The following AP1M1 variants were observed in gnomAD, a reference collection of about 807,000 sequenced individuals.
AP1M1 encodes the protein AP-1 complex subunit mu-1.
A neutral mutation model predicts 57.1 loss-of-function variants in AP1M1; 18 were observed. That is an observed-to-expected ratio of 0.32 (90% confidence interval 0.22 to 0.47). The LOEUF (loss-of-function observed/expected upper bound fraction) is 0.47, where lower values mean the gene tolerates loss of function less well. Ranked by LOEUF, AP1M1 falls within the 20% of genes least tolerant of loss-of-function variation. The pLI is 1.00. For missense variants in AP1M1, 362 were observed against 593.5 expected, an observed-to-expected ratio of 0.61 and a Z score of 4.05; for synonymous variants, 241 against 237.9, an observed-to-expected ratio of 1.01 and a Z score of -0.12.
chr19:16,233,544 G>A lies in AP1M1; in HGVS notation c.1099G>A (p.Ala367Thr), dbSNP rs973576171. The stretch of plus-strand genomic sequence containing the variant: ...CCACTTCGGCCTGCCTAGTGTGGAG[G>A]CCGAAGACAAGGAGGGCAAGCCCCC... The part of the protein sequence containing the change: ...RAHFGLPSVE[A>T]EDKEGKPPIS... The change falls in exon 10 of 12, where the codon GCC (alanine) becomes ACC (threonine). Residue 367 changes from alanine to threonine, a missense_variant. By Grantham distance (58) the Ala-to-Thr change is moderately conservative (BLOSUM62 0). This residue lies in a region of AP1M1 where 25 missense variants were observed against 82.4 expected (regional missense o/e 0.30). Coordinates refer to ENST00000291439, the MANE Select transcript of AP1M1 (RefSeq NM_032493.4). The A allele has an allele frequency of 6.2e-7, 1 of 1,607,470 alleles. No homozygotes were observed. The highest frequency in any genetic ancestry group is 8.5e-7 in the Non-Finnish European group (1 of 1,177,402).
At position 16,209,263 on chromosome 19, in the gene AP1M1, C is replaced by T. The variant is rs1272148436; in HGVS notation, c.546+86C>T. The T allele has an allele frequency of 2.0e-5, 31 of 1,515,466 alleles. No homozygotes were observed. In the South Asian group the frequency reaches 3.1e-4, roughly 15 times the overall value. The allele number at this position is 1,515,466 out of a possible 1,614,324, so 93.9% of individuals were successfully genotyped here. On this transcript the variant is annotated intron_variant, in intron 5 of 11. Coordinates refer to ENST00000291439, the MANE Select transcript of AP1M1 (RefSeq NM_032493.4). ...ACAGCATTTTAAAACTGGCAAAGCC[C>T]CGAGAGCCGTTCTGTGTGGTAACAG...
chr19:16,231,619 AG>A (rs985132206), intron 9 of AP1M1, among the ~76,000 whole-genome samples: 23 of 80,760 alleles, frequency 2.8e-4, no homozygotes, highest in African/African-American at 6.1e-4. Context: ...TAGTAGAAAC[AG>A]GGTTTCGCTA....
In AP1M1 at chr19:16,206,227, G is replaced by A. The variant is rs550759397; in HGVS notation, c.200-114G>A. ...ATGGGCCAAGTAAACGGCTGGGAGT[G>A]GGGATAGGGAAGGCTCTGAGGGTTG... is the stretch of plus-strand genomic sequence containing the variant. On this transcript the variant is annotated intron_variant, in intron 2 of 11. Transcript: ENST00000291439. This position sits in a 1 kb window ranked among gnomAD's most constrained non-coding sequence, Gnocchi z 4.3. 1.3e-4 allele frequency: 132 copies of A among 1,053,042 alleles called. No individual in the cohort carries two copies. Among genetic ancestry groups the A allele is most frequent in the Non-Finnish European group, 1.7e-4 (118 of 698,604 alleles). 65.2% of individuals were successfully genotyped at this position (1,053,042 alleles called of 1,614,324 possible). A position where few individuals can be genotyped will look rare whatever the true frequency, so the allele number is the denominator to read the frequency against.
rs553239080 is a variant in AP1M1 at position 16,241,474 on chromosome 19, T to C, written c.*7039T>C. Reference sequence around the variant, plus strand: ...TGTCATTGACTGTGTAAAGCAATAATAACAGTGACTAACGTATAGAGTAGC... The same window carrying C: ...TGTCATTGACTGTGTAAAGCAATAACAACAGTGACTAACGTATAGAGTAGC... On this transcript the variant is annotated 3_prime_UTR_variant, in exon 12 of 12. Coordinates refer to ENST00000291439, the MANE Select transcript of AP1M1 (RefSeq NM_032493.4). 31 of 152,218 alleles carry C rather than the reference T, an allele frequency of 2.0e-4. 1 individual carries two copies. The highest frequency in any genetic ancestry group is 6.7e-4 in the African/African-American group (28 of 41,536). 9.4% of individuals were successfully genotyped at this position (152,218 alleles called of 1,614,324 possible). A position where few individuals can be genotyped will look rare whatever the true frequency, so the allele number is the denominator to read the frequency against.
chr19:16,217,624 G>A (rs1335953676), intron 5 of AP1M1, among the ~76,000 whole-genome samples: 2 of 152,146 alleles, frequency 1.3e-5, no homozygotes, highest in Admixed American at 1.3e-4. Flanking sequence ...GGCTTGGCCA[G>A]GCTGGGGCCC....
rs2091455989 is a variant in AP1M1 at position 16,203,259 on chromosome 19, T to C, written c.43-200T>C. Among the ~76,000 whole-genome samples the C allele has an allele frequency of 6.6e-6, 1 of 152,228 alleles. No individual in the cohort carries two copies. Among genetic ancestry groups the C allele is most frequent in the Non-Finnish European group, 1.5e-5 (1 of 68,038 alleles). The stretch of plus-strand genomic sequence containing the variant: ...GAACTGCAGTGGCCCCTGTGGGCAT[T>C]CACACTGGGAGATGCTCTTCTCCAG... On this transcript the variant is annotated intron_variant, in intron 1 of 11. Transcript: ENST00000291439. This position sits in a 1 kb window ranked among gnomAD's most constrained non-coding sequence, Gnocchi z 4.6.
In AP1M1 at chr19:16,242,401, A is replaced by T. The variant is rs1416919345; in HGVS notation, c.*7966A>T. 1 of 152,222 alleles carries T rather than the reference A, an allele frequency of 6.6e-6. No homozygotes were observed. Among genetic ancestry groups the T allele is most frequent in the Non-Finnish European group, 1.5e-5 (1 of 68,034 alleles). 9.4% of individuals were successfully genotyped at this position (152,222 alleles called of 1,614,324 possible). On this transcript the variant is annotated 3_prime_UTR_variant, in exon 12 of 12. Coordinates refer to ENST00000291439, the MANE Select transcript of AP1M1 (RefSeq NM_032493.4). ...AATAAATAATAGTACTTAAAACTGCACTGGGACTTTTGGGACACCCCTAGC... is the reference window on the plus strand; with the variant it reads ...AATAAATAATAGTACTTAAAACTGCTCTGGGACTTTTGGGACACCCCTAGC...
chr19:16,199,222 G>A (rs2091437448), intron 1 of AP1M1, among the ~76,000 whole-genome samples: 1 of 152,174 alleles, frequency 6.6e-6, no homozygotes, highest in Non-Finnish European at 1.5e-5. Context: ...GTGTTATACA[G>A]ACAGTCAGCC....
rs890614150 is a variant in AP1M1 at position 16,206,123 on chromosome 19, C to G, written c.200-218C>G. On this transcript the variant is annotated intron_variant, in intron 2 of 11. Transcript: ENST00000291439. This position sits in a 1 kb window ranked among gnomAD's most constrained non-coding sequence, Gnocchi z 4.3. Reference sequence around the variant, plus strand: ...GTGATTCTCCATCTCAGTGAGTGCTCCCTGGGGCCTGGGAGCGCATCTGGC... The same window carrying G: ...GTGATTCTCCATCTCAGTGAGTGCTGCCTGGGGCCTGGGAGCGCATCTGGC... 6.6e-6 allele frequency among the ~76,000 whole-genome samples: 1 copy of G among 152,124 alleles called. No homozygotes were observed. The highest frequency in any genetic ancestry group is 2.1e-4 in the South Asian group (1 of 4,828).
At chr19:16,224,929 C>T (rs12980622) in intron 5 of AP1M1, among the ~76,000 whole-genome samples, 100,048 of 152,008 alleles carry the variant, frequency 0.66, 35,178 homozygotes, top group Non-Finnish European at 0.8. Context: ...GTGCTGGACA[C>T]GGCAGCGCGC....
Position 16,239,937 on chromosome 19 carries a change from C to CA in AP1M1, c.*5503dup. The CA allele has an allele frequency of 6.6e-6, 1 of 152,276 alleles. No homozygotes were observed. The highest frequency in any genetic ancestry group is 1.9e-4 in the East Asian group (1 of 5,168). The allele number at this position is 152,276 out of a possible 1,614,324, so 9.4% of individuals were successfully genotyped here. ...ATATATATATTTACAGTCAACCCTC[C>CA]ACATCCATGGGTTCTGCATCCATGG... On this transcript the variant is annotated 3_prime_UTR_variant, in exon 12 of 12. Coordinates refer to ENST00000291439, the MANE Select transcript of AP1M1 (RefSeq NM_032493.4).
At position 16,234,682 on chromosome 19, in the gene AP1M1, G is replaced by A. The variant is rs2091617012; in HGVS notation, c.*247G>A. The A allele has an allele frequency of 3.4e-6, 2 of 590,588 alleles. No individual in the cohort carries two copies. The highest frequency in any genetic ancestry group is 1.9e-5 in the African/African-American group (1 of 53,710). 36.6% of individuals were successfully genotyped at this position (590,588 alleles called of 1,614,324 possible). ...CTTTGCCCCTGAAGTCAGTTTCAGG[G>A]GAAGGATGTGAAATTTTTCCGTGTA... On this transcript the variant is annotated 3_prime_UTR_variant, in exon 12 of 12. Transcript: ENST00000291439.
Position 16,226,438 on chromosome 19 carries a change from T to A in AP1M1, c.564T>A (p.Asn188Lys). ...SVNLLVSANG[N>K]VLRSEIVGSI... Reference sequence around the variant, plus strand: ...ACCCCCAGGTCAGCGCCAACGGCAATGTCCTGCGCAGCGAGATCGTGGGCT... The same window carrying A: ...ACCCCCAGGTCAGCGCCAACGGCAAAGTCCTGCGCAGCGAGATCGTGGGCT... The change falls in exon 6 of 12, where the codon AAT becomes AAA. Residue 188 changes from asparagine to lysine, a missense_variant. Physicochemically the swap from Asn to Lys is moderately conservative, Grantham distance 94 (BLOSUM62 0). Around this residue, in one of 2 missense-constraint regions of AP1M1, gnomAD observed 337 missense variants for 511.1 expected, o/e 0.66. Transcript: ENST00000291439. The A allele has an allele frequency of 6.4e-7, 1 of 1,553,074 alleles. No homozygotes were observed. The highest frequency in any genetic ancestry group is 8.7e-7 in the Non-Finnish European group (1 of 1,149,044).
rs912387942 is a variant in AP1M1 at position 16,243,209 on chromosome 19, A to C, written c.*8774A>C. On this transcript the variant is annotated 3_prime_UTR_variant, in exon 12 of 12. Coordinates refer to ENST00000291439, the MANE Select transcript of AP1M1 (RefSeq NM_032493.4). ...GAAATTAGTTAGAATTCAACAAGAA[A>C]TAAATTACTTTAAAATATTTCCAAA... is the stretch of plus-strand genomic sequence containing the variant. The C allele has an allele frequency of 6.6e-6, 1 of 152,170 alleles. No homozygotes were observed. Among genetic ancestry groups the C allele is most frequent in the African/African-American group, 2.4e-5 (1 of 41,460 alleles). 9.4% of individuals were successfully genotyped at this position (152,170 alleles called of 1,614,324 possible).
At chr19:16,233,740 G>T in intron 10 of AP1M1, 122 bp downstream of exon 10, 1 of 1,325,884 alleles carries the variant, frequency 7.5e-7, no homozygotes, top group Non-Finnish European at 1.0e-6. Flanking sequence ...GCTGTGCTGT[G>T]GGCCTCTGCC....
At chr19:16,204,917 G>A (rs1263634007) in intron 2 of AP1M1, among the ~76,000 whole-genome samples, 1 of 149,010 alleles carries the variant, frequency 6.7e-6, no homozygotes, top group Non-Finnish European at 1.5e-5. Flanking sequence ...TGCAAGCTCC[G>A]CCTCCCGGGT....
chr19:16,239,237 CTCTTTTTTT>C lies in AP1M1; in HGVS notation c.*4804_*4812del, dbSNP rs2091636401. 6 of 79,240 alleles carry C rather than the reference CTCTTTTTTT, an allele frequency of 7.6e-5. No homozygotes were observed. The highest frequency in any genetic ancestry group is 1.2e-4 in the Non-Finnish European group (5 of 42,354). The allele number at this position is 79,240 out of a possible 1,614,324, so 4.9% of individuals were successfully genotyped here. ...CATGAGCCACCGCGCCCGGCCAGTT[CTCTTTTTTT>C]TTTTTTTTTTTTTTTTTTTTTTTTT... On this transcript the variant is annotated 3_prime_UTR_variant, in exon 12 of 12. Transcript: ENST00000291439.
Position 16,245,045 on chromosome 19 carries a change from C to G in AP1M1, c.*10610C>G, listed in dbSNP as rs1312519644. The G allele has an allele frequency of 8.1e-6, 1 of 122,826 alleles. No individual in the cohort carries two copies. The highest frequency in any genetic ancestry group is 1.8e-5 in the Non-Finnish European group (1 of 56,908). 7.6% of individuals were successfully genotyped at this position (122,826 alleles called of 1,614,324 possible). ...CCTGAGTAGCTGGGATTACACGATGCGCCACCAGGCCTGCCTAACTTTGTA... is the reference window on the plus strand; with the variant it reads ...CCTGAGTAGCTGGGATTACACGATGGGCCACCAGGCCTGCCTAACTTTGTA... On this transcript the variant is annotated 3_prime_UTR_variant, in exon 12 of 12. Transcript: ENST00000291439.
rs747110965 is a variant in AP1M1 at position 16,228,100 on chromosome 19, G to A, written c.817-37G>A. On this transcript the variant is annotated intron_variant, in intron 7 of 11. Transcript: ENST00000291439. The surrounding 1 kb of genome is among the most constrained non-coding windows in gnomAD (Gnocchi z 5.0). ...TCTGAAATGGGCCTTTGTCAAACAA[G>A]GCCAGGTGTGAGCACCCTCTTTGCC... 5.5e-5 allele frequency: 88 copies of A among 1,607,012 alleles called. No homozygotes were observed. Among genetic ancestry groups the A allele is most frequent in the Non-Finnish European group, 2.0e-5 (23 of 1,175,102 alleles).
Sources: allele counts gnomAD v4.1 joint callset (sites outside exome capture counted in the v4.1 genomes callset), GRCh38; gene constraint gnomAD v4.1.1; regional missense constraint gnomAD v4.1.1; non-coding constraint Gnocchi (gnomAD v3.1); transcripts MANE v1.5; gene names NCBI Gene and HGNC (gene_info 2026-07-23, HGNC 2026-07-21).